Variants in PDE6A observed in about 807,000 individuals in gnomAD.
The protein encoded by PDE6A is phosphodiesterase 6A, also known as rod cGMP-specific 3',5'-cyclic phosphodiesterase subunit alpha.
A neutral mutation model predicts 106.3 loss-of-function variants in PDE6A; 84 were observed. The observed-to-expected ratio is 0.79, with a 90% CI of 0.66 to 0.95. The LOEUF is 0.95. PDE6A is among the 40% of genes least tolerant of loss of function. PDE6A has a pLI of 0.00. For missense variants in PDE6A, 1,052 were observed against 1,084.9 expected (o/e 0.97, Z 0.43); for synonymous variants, 394 against 386.6 (o/e 1.02, Z -0.23).
rs537509979 is a variant in PDE6A, at chr5:149,921,195, A to G, written c.933+440T>C. 1.9e-3 allele frequency among the ~76,000 whole-genome samples: 293 copies of G among 152,212 alleles called. 1 individual carries two copies. The highest frequency in any genetic ancestry group is 3.4e-3 in the Non-Finnish European group (231 of 68,020). On this transcript the variant is annotated intron_variant, in intron 5 of 21. Transcript: ENST00000255266. ...TCTGGGTCTCTTTCCACAGCTGTGA[A>G]ATGAGTATGTTGGTCCCTGTTTGGT...
At position 149,887,930 on chromosome 5, in the gene PDE6A, G is replaced by A. The variant is rs80119586; in HGVS notation, c.1729-1556C>T. 6.8e-3 allele frequency among the ~76,000 whole-genome samples: 1,034 copies of A among 152,220 alleles called. 14 individuals carry two copies. Among genetic ancestry groups the A allele is most frequent in the African/African-American group, 0.024 (995 of 41,514 alleles). ...TCCTACTTCTGTAGATTTTATGCTG[G>A]GCGTAAAGCCTGCATTTGCTCTTGA... On this transcript the variant is annotated intron_variant, in intron 13 of 21. Transcript: ENST00000255266.
intron 13 of PDE6A, among the ~76,000 whole-genome samples, chr5:149,891,631 G>A (rs1045314989): frequency 2.0e-5 from 3 of 151,860 alleles, no homozygotes; most frequent in Non-Finnish European, 4.4e-5. Flanking sequence ...GTGAGACCCT[G>A]TCTTTTCAAA....
chr5:149,933,887 G>A, intron 3 of PDE6A, 43 bp downstream of exon 3: 1 of 1,428,020 alleles, frequency 7.0e-7, no homozygotes, highest in Non-Finnish European at 9.8e-7. Flanking sequence ...ATGCTTCAGG[G>A]AAAGGACGAG....
chr5:149,899,796 T>C (rs1169606437), intron 8 of PDE6A, among the ~76,000 whole-genome samples: 1 of 152,220 alleles, frequency 6.6e-6, no homozygotes, highest in Admixed American at 6.5e-5. Flanking sequence ...GATGTAATGA[T>C]GTGCAGAACA....
chr5:149,903,581 T>G, intron 8 of PDE6A, 67 bp downstream of exon 8: 1 of 1,192,570 alleles, frequency 8.4e-7, no homozygotes, highest in Non-Finnish European at 1.3e-6. Flanking sequence ...GATTCTAATG[T>G]ATTCTAATGC....
chr5:149,865,660 C>A (rs1378009491), intron 20 of PDE6A, among the ~76,000 whole-genome samples: 1 of 152,122 alleles, frequency 6.6e-6, no homozygotes, highest in East Asian at 1.9e-4. Flanking sequence ...TGACACTGGC[C>A]CTGTCACTTT....
chr5:149,884,648 G>A (rs775911207), intron 15 of PDE6A, 69 bp from the exon 16 acceptor site: 2 of 1,428,908 alleles, frequency 1.4e-6, no homozygotes, highest in Non-Finnish European at 2.0e-6. Flanking sequence ...ACCTACCAAT[G>A]GCCACCCCAG....
At position 149,863,767 on chromosome 5, in the gene PDE6A, G is replaced by T. The variant is rs1379381077; in HGVS notation, c.2359-501C>A. ...GCCTCCCAAGTAGCTGGAACTACAG[G>T]CTCATGCCACCACACCCAGGTAATT... On this transcript the variant is annotated intron_variant, in intron 20 of 21. Coordinates refer to ENST00000255266, the MANE Select transcript of PDE6A (RefSeq NM_000440.3). The surrounding 1 kb of genome is among the most constrained non-coding windows in gnomAD (Gnocchi z 4.7). Among the ~76,000 whole-genome samples the T allele has an allele frequency of 6.6e-6, 1 of 152,066 alleles. No homozygotes were observed. The highest frequency in any genetic ancestry group is 2.4e-5 in the African/African-American group (1 of 41,416).
At chr5:149,914,488 A>G (rs1486584578) in intron 6 of PDE6A, among the ~76,000 whole-genome samples, 1 of 152,208 alleles carries the variant, frequency 6.6e-6, no homozygotes, top group African/African-American at 2.4e-5. Flanking sequence ...CAAACTAAAA[A>G]TCAGTGTGGA....
At chr5:149,896,223 A>G (rs527558175) in intron 12 of PDE6A, 133 bp downstream of exon 12, 3 of 732,516 alleles carry the variant, frequency 4.1e-6, no homozygotes, top group Non-Finnish European at 6.9e-6. Context: ...TCTGTGCAAC[A>G]TGACTAATTC....
At position 149,944,559 on chromosome 5, in the gene PDE6A, C is replaced by A; in HGVS notation, c.115G>T (p.Ala39Ser). The change falls in exon 1 of 22, where the codon GCC (alanine) becomes TCC (serine). Residue 39 changes from alanine (A) to serine (S), a missense_variant. By Grantham distance (99) the Ala-to-Ser change is moderately conservative. Coordinates refer to ENST00000255266, the MANE Select transcript of PDE6A (RefSeq NM_000440.3). ...RAKLISDLLGAKEAAVDFSNY... is the reference protein window; with the variant it reads ...RAKLISDLLGSKEAAVDFSNY... ...CTGAAGTCCACGGCAGCCTCCTTGG[C>A]CCCAAGGAGGTCGGAGATGAGCTTG... 1 of 1,613,876 alleles carries A rather than the reference C, an allele frequency of 6.2e-7. No individual in the cohort carries two copies. Among genetic ancestry groups the A allele is most frequent in the South Asian group, 1.1e-5 (1 of 91,070 alleles).
chr5:149,929,532 G>A (rs981761128), intron 4 of PDE6A, among the ~76,000 whole-genome samples: 10 of 152,136 alleles, frequency 6.6e-5, no homozygotes, highest in African/African-American at 1.4e-4. Flanking sequence ...GCGTGAACCC[G>A]GGAGGTGGAA....
chr5:149,927,429 G>A (rs1753894986), intron 4 of PDE6A, among the ~76,000 whole-genome samples: 1 of 152,062 alleles, frequency 6.6e-6, no homozygotes, highest in African/African-American at 2.4e-5. Flanking sequence ...TTAGCTTACT[G>A]TAATTTTTAA....
In PDE6A at chr5:149,860,317, C is replaced by T. The variant is rs1184727113; in HGVS notation, c.*578G>A. 2 of 152,242 alleles carry T rather than the reference C, an allele frequency of 1.3e-5. No homozygotes were observed. The highest frequency in any genetic ancestry group is 2.4e-5 in the African/African-American group (1 of 41,424). 9.4% of individuals were successfully genotyped at this position (152,242 alleles called of 1,614,324 possible). A position where few individuals can be genotyped will look rare whatever the true frequency, so the allele number is the denominator to read the frequency against. On this transcript the variant is annotated 3_prime_UTR_variant, in exon 22 of 22. Coordinates refer to ENST00000255266, the MANE Select transcript of PDE6A (RefSeq NM_000440.3). ...GGGTGATGGGTATGTGGGGATTCAACGTACAATTCTCTACTTTTGAAAATG... is the reference window on the plus strand; with the variant it reads ...GGGTGATGGGTATGTGGGGATTCAATGTACAATTCTCTACTTTTGAAAATG...
chr5:149,911,445 A>G (rs152949), intron 6 of PDE6A, among the ~76,000 whole-genome samples: 66,475 of 152,006 alleles, frequency 0.44, 16,644 homozygotes, highest in Non-Finnish European at 0.58. Context: ...CAATTCTAGA[A>G]TCTCAAATAA....
intron 12 of PDE6A, 94 bp downstream of exon 12, chr5:149,896,262 C>T: frequency 9.6e-7 from 1 of 1,039,138 alleles, no homozygotes; most frequent in Non-Finnish European, 1.5e-6. Flanking sequence ...AGAGTAAACT[C>T]TTTTTAAGGT....
chr5:149,912,856 G>T (rs141466666), intron 6 of PDE6A, among the ~76,000 whole-genome samples: 1 of 152,136 alleles, frequency 6.6e-6, no homozygotes, highest in African/African-American at 2.4e-5. Context: ...AGAAACATAG[G>T]TTAGGGACTG....
intron 8 of PDE6A, among the ~76,000 whole-genome samples, chr5:149,903,164 A>AAG (rs1554089501): frequency 6.8e-6 from 1 of 148,120 alleles, no homozygotes; most frequent in Non-Finnish European, 1.5e-5. Flanking sequence ...AAAAAAAAAA[A>AAG]AAAACAAAAG....
chr5:149,884,201 T>A (rs74743626), intron 16 of PDE6A, among the ~76,000 whole-genome samples: 7,776 of 137,924 alleles, frequency 0.056, 430 homozygotes, highest in African/African-American at 0.11. Flanking sequence ...AAAAAAAAAA[T>A]ATATATATAT....
Sources: gnomAD v4.1 joint callset for allele counts (sites outside exome capture counted in the v4.1 genomes callset) on GRCh38, gnomAD v4.1.1 for gene constraint, Gnocchi (gnomAD v3.1) non-coding constraint, MANE v1.5 for transcripts, NCBI Gene and HGNC (gene_info 2026-07-23, HGNC 2026-07-21) for gene names.